Variants in ANHX observed in about 807,000 individuals in gnomAD.
ANHX encodes anomalous homeobox.
A neutral mutation model predicts 38.9 loss-of-function variants in ANHX; 20 were observed. The ratio of observed to expected loss-of-function variants is 0.51; its 90% CI spans 0.36 to 0.75. The LOEUF is 0.75. Among genes scored for constraint, ANHX ranks in the 30% least tolerant of loss-of-function variants. The pLI is 0.00. For missense variants in ANHX, 475 were observed against 493.1 expected, an observed-to-expected ratio of 0.96 and a Z score of 0.35; for synonymous variants, 185 against 203.1, an observed-to-expected ratio of 0.91 and a Z score of 0.76.
chr12:133,233,996 C>A, intron 2 of ANHX, 112 bp downstream of exon 2: 1 of 1,381,890 alleles, frequency 7.2e-7, no homozygotes, highest in South Asian at 1.5e-5. Context: ...GGGCCTCTGG[C>A]CAGTGGGTTC....
rs934118248 is a variant in ANHX, at chr12:133,221,625, T to A, written c.1133-273A>T. Among the ~76,000 whole-genome samples the A allele has an allele frequency of 6.6e-6, 1 of 152,160 alleles. No homozygotes were observed. The highest frequency in any genetic ancestry group is 2.1e-4 in the South Asian group (1 of 4,838). On this transcript the variant is annotated intron_variant, in intron 7 of 9. Transcript: ENST00000545940. This position sits in a 1 kb window ranked among gnomAD's most constrained non-coding sequence, Gnocchi z 4.1. The stretch of plus-strand genomic sequence containing the variant: ...AATGCTGCTGTCATCGCAGACCTCA[T>A]GTGCCCTCGGTGCCAGTCAGAGTCT...
chr12:133,234,480 G>C (rs1957334508), intron 1 of ANHX, 102 bp from the exon 2 acceptor site: 2 of 1,346,916 alleles, frequency 1.5e-6, no homozygotes, highest in African/African-American at 1.5e-5. Context: ...CACGGCTCTT[G>C]TGCCGTGGAC....
In ANHX at chr12:133,218,983, C is replaced by A; in HGVS notation, c.1366-12G>T. On this transcript the variant is annotated splice_polypyrimidine_tract_variant and intron_variant, in intron 9 of 9. Coordinates refer to ENST00000545940, the MANE Select transcript of ANHX (RefSeq NM_001372060.1). ...TCAGAACACTGCACCTGGAAGACAACACAGTGGTAAACACAGAGGCTTCCT... is the reference window on the plus strand; with the variant it reads ...TCAGAACACTGCACCTGGAAGACAAAACAGTGGTAAACACAGAGGCTTCCT... 1.3e-6 allele frequency: 2 copies of A among 1,530,858 alleles called. No individual in the cohort carries two copies. The highest frequency in any genetic ancestry group is 2.5e-5 in the East Asian group (1 of 40,770). 94.8% of individuals were successfully genotyped at this position (1,530,858 alleles called of 1,614,324 possible).
intron 1 of ANHX, 148 bp from the exon 2 acceptor site, chr12:133,234,526 A>T: frequency 1.2e-6 from 1 of 850,714 alleles, no homozygotes; most frequent in South Asian, 1.8e-5. Context: ...ACACATCCCG[A>T]GAGAGGGCAG....
intron 2 of ANHX, 28 bp from the exon 3 acceptor site, chr12:133,231,672 GCCA>G: frequency 6.5e-7 from 1 of 1,535,376 alleles, no homozygotes; most frequent in Non-Finnish European, 8.7e-7. Context: ...CTGAGCCCTG[GCCA>G]CCTGCCCACC....
intron 1 of ANHX, chr12:133,234,586 TAGTCCTTA>T (rs1957336970): frequency 1.8e-6 from 1 of 569,142 alleles, no homozygotes; most frequent in East Asian, 3.2e-5. Context: ...CCAAATACTT[TAGTCCTTA>T]ACGAACACGG....
intron 3 of ANHX, among the ~76,000 whole-genome samples, chr12:133,228,220 C>T (rs1957217109): frequency 6.6e-6 from 1 of 151,936 alleles, no homozygotes; most frequent in Non-Finnish European, 1.5e-5. Context: ...CCCATGGAGC[C>T]CCGATGGATG....
At chr12:133,222,564 C>T (rs984633099) in intron 7 of ANHX, among the ~76,000 whole-genome samples, 1 of 151,408 alleles carries the variant, frequency 6.6e-6, no homozygotes, top group Non-Finnish European at 1.5e-5. Flanking sequence ...ACCGTCCCCA[C>T]GCCAGCCTCG....
At chr12:133,224,923 C>T (rs547588291) in intron 7 of ANHX, among the ~76,000 whole-genome samples, 248 of 145,590 alleles carry the variant, frequency 1.7e-3, no homozygotes, top group East Asian at 4.5e-3. Flanking sequence ...GCCGAGATCA[C>T]GCCACTGCAC....
intron 3 of ANHX, among the ~76,000 whole-genome samples, 181 bp from the exon 4 acceptor site, chr12:133,228,128 G>A (rs1957215592): frequency 6.6e-6 from 1 of 152,110 alleles, no homozygotes; most frequent in South Asian, 2.1e-4. Flanking sequence ...CACAAACCCT[G>A]ACAAATACTG....
chr12:133,219,504 A>G (rs1957079602), intron 8 of ANHX, 137 bp from the exon 9 acceptor site: 4 of 635,714 alleles, frequency 6.3e-6, no homozygotes, highest in Non-Finnish European at 1.1e-5. Flanking sequence ...CTCTTCCTGC[A>G]GGGCTGTCAC....
intron 2 of ANHX, among the ~76,000 whole-genome samples, chr12:133,233,573 C>G (rs1246725005): frequency 1.3e-5 from 2 of 152,164 alleles, no homozygotes; most frequent in African/African-American, 4.8e-5. Flanking sequence ...CAAGCATACT[C>G]TTATTTAGGC....
Position 133,234,612 on chromosome 12 carries a change from C to T in ANHX, c.-22-234G>A. 6.2e-6 allele frequency: 3 copies of T among 484,690 alleles called. No homozygotes were observed. The South Asian group carries it at 6.4e-5, about 10-fold the overall frequency. The allele number at this position is 484,690 out of a possible 1,614,324, so 30.0% of individuals were successfully genotyped here. The stretch of plus-strand genomic sequence containing the variant: ...AGTCCTTAACGAACACGGCTGTGCA[C>T]CAAGCACTGGGCTGGGTACTGTCTG... On this transcript the variant is annotated intron_variant, in intron 1 of 9. Coordinates refer to ENST00000545940, the MANE Select transcript of ANHX (RefSeq NM_001372060.1).
intron 6 of ANHX, among the ~76,000 whole-genome samples, 183 bp downstream of exon 6, chr12:133,226,135 C>T (rs1957185586): frequency 1.3e-5 from 2 of 152,144 alleles, no homozygotes; most frequent in African/African-American, 4.8e-5. Context: ...TCAGAAGAAG[C>T]CACCCCCACC....
chr12:133,221,640 A>T lies in ANHX; in HGVS notation c.1133-288T>A, dbSNP rs1050866427. On this transcript the variant is annotated intron_variant, in intron 7 of 9. Transcript: ENST00000545940. The surrounding 1 kb of genome is among the most constrained non-coding windows in gnomAD (Gnocchi z 4.1). ...GCAGACCTCATGTGCCCTCGGTGCC[A>T]GTCAGAGTCTGCAGCTTGCTCCGTC... is the stretch of plus-strand genomic sequence containing the variant. 1.3e-5 allele frequency among the ~76,000 whole-genome samples: 2 copies of T among 152,140 alleles called. No homozygotes were observed. The highest frequency in any genetic ancestry group is 2.9e-5 in the Non-Finnish European group (2 of 68,018).
intron 4 of ANHX, 68 bp from the exon 5 acceptor site, chr12:133,227,220 G>A: frequency 6.9e-7 from 1 of 1,446,164 alleles, no homozygotes; most frequent in Non-Finnish European, 9.2e-7. Flanking sequence ...TGCAGAAGTG[G>A]CTCAGACAGC....
intron 7 of ANHX, among the ~76,000 whole-genome samples, chr12:133,222,855 G>A (rs970987562): frequency 6.6e-6 from 1 of 152,196 alleles, no homozygotes; most frequent in Admixed American, 6.5e-5. Context: ...GAAGGAAGAA[G>A]AGTTCAGAGA....
intron 3 of ANHX, among the ~76,000 whole-genome samples, 176 bp downstream of exon 3, chr12:133,231,341 G>A: frequency 6.6e-6 from 1 of 152,212 alleles, no homozygotes; most frequent in Non-Finnish European, 1.5e-5. Context: ...GCACAGGTGT[G>A]ACACACACTG....
In ANHX at chr12:133,234,159, G is replaced by T. The variant is rs1423699933; in HGVS notation, c.198C>A (p.Ala66=). ...GCTGCTCCTGCTGGTCCAGGACACGGGCGCACGCCAGGGCCACATCTGCGT... is the reference window on the plus strand; with the variant it reads ...GCTGCTCCTGCTGGTCCAGGACACGTGCGCACGCCAGGGCCACATCTGCGT... The part of the protein sequence containing the change: ...LDNADVALAC[A]RVLDQQEQQQ... The change falls in exon 2 of 10, where the codon GCC becomes GCA. Residue 66 remains alanine (A), a synonymous_variant. Coordinates refer to ENST00000545940, the MANE Select transcript of ANHX (RefSeq NM_001372060.1). 4.6e-6 allele frequency: 7 copies of T among 1,535,988 alleles called. No homozygotes were observed. The highest frequency in any genetic ancestry group is 6.1e-6 in the Non-Finnish European group (7 of 1,146,890).
Sources: gnomAD v4.1 joint callset for allele counts (sites outside exome capture counted in the v4.1 genomes callset) on GRCh38, gnomAD v4.1.1 for gene constraint, Gnocchi (gnomAD v3.1) non-coding constraint, MANE v1.5 for transcripts, NCBI Gene and HGNC (gene_info 2026-07-23, HGNC 2026-07-21) for gene names.